MARK4: variants seen among roughly 807,000 people sequenced by gnomAD.
The protein encoded by MARK4 is microtubule affinity regulating kinase 4.
MARK4 carries 19 observed loss-of-function variants against 81.5 expected under a neutral mutation model. The observed-to-expected ratio is 0.23, with a 90% CI of 0.16 to 0.34. MARK4 has a LOEUF of 0.34. Ranked by LOEUF, MARK4 falls within the 10% of genes least tolerant of loss-of-function variation. The pLI is 1.00. For missense variants in MARK4, 772 were observed against 1,058.8 expected (o/e 0.73, Z 3.76); for synonymous variants, 436 against 439.0 (o/e 0.99, Z 0.08).
rs756870679 is a variant in MARK4, at chr19:45,271,543, G to T, written c.621G>T (p.Thr207=). The part of the protein sequence containing the change: ...IADFGFSNEF[T]LGSKLDTFCG... Reference sequence around the variant, plus strand: ...ACTTTGGCTTCAGCAACGAGTTCACGCTGGGATCGAAGCTGGACACGTTCT... The same window carrying T: ...ACTTTGGCTTCAGCAACGAGTTCACTCTGGGATCGAAGCTGGACACGTTCT... Residue 207 remains threonine, a synonymous_variant, in exon 8 of 17, where the codon ACG becomes ACT. Coordinates refer to ENST00000262891, the MANE Select transcript of MARK4 (RefSeq NM_001199867.2). The surrounding 1 kb of genome is among the most constrained non-coding windows in gnomAD (Gnocchi z 4.1). 4 of 1,614,120 alleles carry T rather than the reference G, an allele frequency of 2.5e-6. No homozygotes were observed. The highest frequency in any genetic ancestry group is 2.2e-5 in the East Asian group (1 of 44,896).
At chr19:45,281,227 T>C (rs960479218) in intron 12 of MARK4, among the ~76,000 whole-genome samples, 1 of 151,806 alleles carries the variant, frequency 6.6e-6, no homozygotes, top group African/African-American at 2.4e-5. Context: ...CTAATTTTTG[T>C]ATTTTCAGTA....
chr19:45,300,952 G>A (rs1452538349), intron 16 of MARK4, among the ~76,000 whole-genome samples: 1 of 152,086 alleles, frequency 6.6e-6, no homozygotes, highest in African/African-American at 2.4e-5. Context: ...GAACAAGGGA[G>A]GCTAGTCCTG....
In MARK4 at chr19:45,304,064, T is replaced by G. The variant is rs1415238814; in HGVS notation, c.*1354T>G. The G allele has an allele frequency of 1.3e-5, 2 of 152,182 alleles. No individual in the cohort carries two copies. The highest frequency in any genetic ancestry group is 2.4e-5 in the African/African-American group (1 of 41,442). The allele number at this position is 152,182 out of a possible 1,614,324, so 9.4% of individuals were successfully genotyped here. On this transcript the variant is annotated 3_prime_UTR_variant, in exon 17 of 17. Coordinates refer to ENST00000262891, the MANE Select transcript of MARK4 (RefSeq NM_001199867.2). ...GCTTAAGCAAAAAGGTATTTGTTGGTTTATGTTACTTAATAGTCCAGGGGC... is the reference window on the plus strand; with the variant it reads ...GCTTAAGCAAAAAGGTATTTGTTGGGTTATGTTACTTAATAGTCCAGGGGC...
rs764702156 is a variant in MARK4 at position 45,302,670 on chromosome 19, G to A, written c.2219G>A (p.Arg740His). 3.1e-5 allele frequency: 48 copies of A among 1,537,166 alleles called. No homozygotes were observed. Among genetic ancestry groups the A allele is most frequent in the Admixed American group, 1.8e-4 (9 of 51,030 alleles). ...RRVAGTALAF[R>H]TLVTRISNDL... is the part of the protein sequence containing the mutation. ...GTGGCGGGCACCGCCCTGGCCTTCC[G>A]CACCCTCGTCACCCGCATCTCCAAC... Residue 740 changes from arginine (R) to histidine (H), a missense_variant, in exon 17 of 17, where the codon CGC becomes CAC. Around this residue, in one of 3 missense-constraint regions of MARK4, gnomAD observed 548 missense variants for 624.3 expected, o/e 0.88. Transcript: ENST00000262891. The surrounding 1 kb of genome is among the most constrained non-coding windows in gnomAD (Gnocchi z 4.9).
In MARK4 at chr19:45,280,301, C is replaced by CA. The variant is rs112096798; in HGVS notation, c.1007-64dup. Reference sequence around the variant, plus strand: ...TGGGTGACAGAGTGACACCCTGTCTCAAAAAAAAAGAGAAATGGATGGAAG... The same window carrying CA: ...TGGGTGACAGAGTGACACCCTGTCTCAAAAAAAAAAGAGAAATGGATGGAAG... On this transcript the variant is annotated intron_variant, in intron 10 of 16. Coordinates refer to ENST00000262891, the MANE Select transcript of MARK4 (RefSeq NM_001199867.2). The CA allele has an allele frequency of 7.2e-4, 967 of 1,336,836 alleles. 1 individual carries two copies. Among genetic ancestry groups the CA allele is most frequent in the Non-Finnish European group, 8.8e-4 (831 of 939,170 alleles). 82.8% of individuals were successfully genotyped at this position (1,336,836 alleles called of 1,614,324 possible).
intron 7 of MARK4, among the ~76,000 whole-genome samples, chr19:45,266,561 G>A (rs1206002853): frequency 6.6e-6 from 1 of 151,944 alleles, no homozygotes; most frequent in Non-Finnish European, 1.5e-5. Context: ...GATGCTACAG[G>A]GCTGTTGGAT....
At chr19:45,278,901 G>A (rs1053848173) in intron 10 of MARK4, among the ~76,000 whole-genome samples, 11 of 151,994 alleles carry the variant, frequency 7.2e-5, no homozygotes, top group Non-Finnish European at 1.3e-4. Context: ...CACTGTACCC[G>A]GCCCATGTTC....
chr19:45,301,377 A>C (rs958284493), intron 16 of MARK4, among the ~76,000 whole-genome samples: 6 of 151,274 alleles, frequency 4.0e-5, no homozygotes, highest in African/African-American at 1.2e-4. Flanking sequence ...CTGCCTGCCC[A>C]ACATGGTGAG....
intron 12 of MARK4, 67 bp from the exon 13 acceptor site, chr19:45,287,380 C>T (rs1209781442): frequency 3.5e-6 from 4 of 1,141,474 alleles, no homozygotes; most frequent in East Asian, 2.7e-5. Context: ...CAGGTTCCAA[C>T]GATCCCCCAG....
In MARK4 at chr19:45,302,223, C is replaced by T. The variant is rs1970984626; in HGVS notation, c.1923-151C>T. 2.6e-6 allele frequency: 4 copies of T among 1,513,746 alleles called. No individual in the cohort carries two copies. The highest frequency in any genetic ancestry group is 2.7e-6 in the Non-Finnish European group (3 of 1,126,856). The allele number at this position is 1,513,746 out of a possible 1,614,324, so 93.8% of individuals were successfully genotyped here. A position where few individuals can be genotyped will look rare whatever the true frequency, so the allele number is the denominator to read the frequency against. ...GGTCTCTAGCTGGGCAGCTCTGTATCCAGTTGAAACTGTCGCTGGGGTAAC... is the reference window on the plus strand; with the variant it reads ...GGTCTCTAGCTGGGCAGCTCTGTATTCAGTTGAAACTGTCGCTGGGGTAAC... On this transcript the variant is annotated intron_variant, in intron 16 of 16. Transcript: ENST00000262891. This position sits in a 1 kb window ranked among gnomAD's most constrained non-coding sequence, Gnocchi z 4.9.
At chr19:45,288,967 C>T (rs1206985330) in intron 13 of MARK4, among the ~76,000 whole-genome samples, 2 of 152,106 alleles carry the variant, frequency 1.3e-5, no homozygotes, top group South Asian at 2.1e-4. Context: ...GTTCAGTAGC[C>T]GCCCCACGTG....
intron 1 of MARK4, among the ~76,000 whole-genome samples, chr19:45,252,039 C>T (rs1970250110): frequency 6.6e-6 from 1 of 152,122 alleles, no homozygotes; most frequent in Admixed American, 6.5e-5. Context: ...AGGCCCGGCC[C>T]TGGCACTCTC....
intron 13 of MARK4, among the ~76,000 whole-genome samples, chr19:45,293,164 G>A (rs1228787253): frequency 6.6e-6 from 1 of 152,044 alleles, no homozygotes; most frequent in Non-Finnish European, 1.5e-5. Flanking sequence ...AGCTACTCGG[G>A]AGACTAAGGC....
At chr19:45,256,026 A>T (rs1970303590) in intron 1 of MARK4, among the ~76,000 whole-genome samples, 1 of 152,264 alleles carries the variant, frequency 6.6e-6, no homozygotes, top group Non-Finnish European at 1.5e-5. Context: ...ATGGTGTGGG[A>T]GACAGCAAGT....
chr19:45,302,632 T>C lies in MARK4; in HGVS notation c.2181T>C (p.Val727=). The change falls in exon 17 of 17, where the codon GTT becomes GTC. Residue 727 remains valine, a synonymous_variant. Coordinates refer to ENST00000262891, the MANE Select transcript of MARK4 (RefSeq NM_001199867.2). This position sits in a 1 kb window ranked among gnomAD's most constrained non-coding sequence, Gnocchi z 4.9. ...CQLPRPGLRG[V]LFRRVAGTAL... ...TGCCCCGGCCAGGCTTGCGGGGAGT[T>C]CTCTTCCGCCGTGTGGCGGGCACCG... 3 of 1,545,184 alleles carry C rather than the reference T, an allele frequency of 1.9e-6. No homozygotes were observed. The highest frequency in any genetic ancestry group is 2.6e-6 in the Non-Finnish European group (3 of 1,151,910).
intron 8 of MARK4, among the ~76,000 whole-genome samples, chr19:45,272,653 C>T (rs1378060770): frequency 2.0e-5 from 3 of 151,946 alleles, no homozygotes; most frequent in South Asian, 4.2e-4. Flanking sequence ...TTTGGGAGGC[C>T]GAGGCAGGCA....
chr19:45,287,222 A>AG (rs947589219), intron 12 of MARK4, among the ~76,000 whole-genome samples: 1 of 144,958 alleles, frequency 6.9e-6, no homozygotes, highest in African/African-American at 2.5e-5. Flanking sequence ...AAAAAAAAAA[A>AG]GAAGGTGCAA....
Position 45,287,756 on chromosome 19 carries a change from CCTT to C in MARK4, c.1494+96_1494+98del, listed in dbSNP as rs745869881. 62 of 1,390,182 alleles carry C rather than the reference CCTT, an allele frequency of 4.5e-5. No homozygotes were observed. The African/African-American group carries it at 5.7e-4, about 13-fold the overall frequency. 86.1% of individuals were successfully genotyped at this position (1,390,182 alleles called of 1,614,324 possible). On this transcript the variant is annotated intron_variant, in intron 13 of 16. Coordinates refer to ENST00000262891, the MANE Select transcript of MARK4 (RefSeq NM_001199867.2). ...TTCATCTCATTCCCCAGACGGAACT[CCTT>C]CTTACCAACTCCTTCTTCTACCCAT...
At chr19:45,255,635 C>T (rs1056450540) in intron 1 of MARK4, among the ~76,000 whole-genome samples, 6 of 152,026 alleles carry the variant, frequency 3.9e-5, no homozygotes, top group African/African-American at 1.4e-4. Flanking sequence ...CTCACTTTCC[C>T]CACCTGTAAA....
Sources: allele counts gnomAD v4.1 joint callset (sites outside exome capture counted in the v4.1 genomes callset), GRCh38; gene constraint gnomAD v4.1.1; regional missense constraint gnomAD v4.1.1; non-coding constraint Gnocchi (gnomAD v3.1); transcripts MANE v1.5; gene names NCBI Gene and HGNC (gene_info 2026-07-23, HGNC 2026-07-21).